THSD7B: variants seen among roughly 807,000 people sequenced by gnomAD.
The protein encoded by THSD7B is thrombospondin type-1 domain-containing protein 7B.
In THSD7B, 138 loss-of-function variants were observed where a neutral mutation model predicts 213.6. The observed-to-expected ratio is 0.65, with a 90% CI of 0.56 to 0.74. THSD7B has a LOEUF of 0.74. THSD7B is among the 30% of genes least tolerant of loss of function. The pLI is 0.00. For missense variants in THSD7B, 1,931 were observed against 1,991.5 expected, an observed-to-expected ratio of 0.97 and a Z score of 0.58; for synonymous variants, 742 against 687.0, an observed-to-expected ratio of 1.08 and a Z score of -1.25.
chr2:137,392,344 A>G (rs1271140784), intron 12 of THSD7B, among the ~76,000 whole-genome samples: 2 of 152,050 alleles, frequency 1.3e-5, no homozygotes, highest in Non-Finnish European at 2.9e-5. Flanking sequence ...TGTGAGTAGG[A>G]TGTTTAAATC....
At chr2:136,943,036 G>A (rs1159716452) in intron 2 of THSD7B, among the ~76,000 whole-genome samples, 2 of 152,128 alleles carry the variant, frequency 1.3e-5, no homozygotes, top group African/African-American at 4.8e-5. Context: ...TCAATACCTA[G>A]CTTATTGAGA....
intron 12 of THSD7B, among the ~76,000 whole-genome samples, chr2:137,369,814 C>T (rs1365515439): frequency 6.6e-6 from 1 of 152,178 alleles, no homozygotes; most frequent in Non-Finnish European, 1.5e-5. Flanking sequence ...ACATTGCCCA[C>T]CCTTCCCAAC....
At chr2:137,655,397 C>G in intron 21 of THSD7B, 104 bp from the exon 22 acceptor site, 1 of 1,282,630 alleles carries the variant, frequency 7.8e-7, no homozygotes, top group Non-Finnish European at 1.1e-6. Flanking sequence ...GAGGAAGCTA[C>G]GAAAATATGC....
At position 137,640,448 on chromosome 2, in the gene THSD7B, A is replaced by G. The variant is rs191974983; in HGVS notation, c.3800-2040A>G. Among the ~76,000 whole-genome samples the G allele has an allele frequency of 3.3e-5, 5 of 152,332 alleles. No individual in the cohort carries two copies. The East Asian group carries it at 9.6e-4, about 29-fold the overall frequency. ...ACAACCACCATCTAAAATTCCTTGT[A>G]TATCTCCTATAAAAGACTTAAATAG... On this transcript the variant is annotated intron_variant, in intron 20 of 27. Coordinates refer to ENST00000409968, the MANE Select transcript of THSD7B (RefSeq NM_001316349.2).
At chr2:137,010,765 T>C (rs1686216139) in intron 2 of THSD7B, among the ~76,000 whole-genome samples, 1 of 152,172 alleles carries the variant, frequency 6.6e-6, no homozygotes. Context: ...ATACAGTGGG[T>C]AATAGATGAG....
intron 2 of THSD7B, among the ~76,000 whole-genome samples, chr2:136,998,261 CAAAAAA>C (rs33931359): frequency 0.043 from 4,234 of 98,482 alleles, 145 homozygotes; most frequent in East Asian, 0.09. Context: ...ACTAAAAGGC[CAAAAAA>C]AAAAAAAAAA....
intron 7 of THSD7B, among the ~76,000 whole-genome samples, chr2:137,226,139 A>G (rs1324298050): frequency 6.6e-6 from 1 of 151,894 alleles, no homozygotes; most frequent in African/African-American, 2.4e-5. Flanking sequence ...AGATTTAAGT[A>G]GGACATAAAA....
intron 5 of THSD7B, among the ~76,000 whole-genome samples, chr2:137,139,232 G>C (rs1379354702): frequency 6.6e-6 from 1 of 152,146 alleles, no homozygotes; most frequent in African/African-American, 2.4e-5. Context: ...CTGATTGAGG[G>C]TCAGTAGAGT....
rs141912917 is a variant in THSD7B, at chr2:136,786,581, C to T, written c.-36+20894C>T. ...TCTTGTATTTATTTAGTTAATCAGA[C>T]GTTTCATCTAAAATGTTCATCAACA... On this transcript the variant is annotated intron_variant, in intron 1 of 27. Transcript: ENST00000409968. 9.9e-5 allele frequency among the ~76,000 whole-genome samples: 15 copies of T among 152,160 alleles called. No individual in the cohort carries two copies. In the East Asian group the frequency reaches 1.9e-3, roughly 20 times the overall value.
At chr2:137,192,157 GC>G (rs1680671148) in intron 7 of THSD7B, among the ~76,000 whole-genome samples, 1 of 152,116 alleles carries the variant, frequency 6.6e-6, no homozygotes, top group South Asian at 2.1e-4. Context: ...AGTGGGAAAA[GC>G]CCCTGTGATC....
chr2:137,657,049 T>A lies in THSD7B; in HGVS notation c.4280-16T>A, dbSNP rs1422905781. The A allele has an allele frequency of 6.2e-7, 1 of 1,613,682 alleles. No homozygotes were observed. The highest frequency in any genetic ancestry group is 2.2e-5 in the East Asian group (1 of 44,896). On this transcript the variant is annotated splice_polypyrimidine_tract_variant and intron_variant, in intron 23 of 27. Transcript: ENST00000409968. ...GTGAGGTGTAATAGAACTGCTATTA[T>A]CATATTTACTTACAGGAGGCAAATG...
intron 20 of THSD7B, among the ~76,000 whole-genome samples, chr2:137,640,123 C>T (rs1290956217): frequency 5.3e-5 from 8 of 152,106 alleles, no homozygotes; most frequent in African/African-American, 1.9e-4. Context: ...ATTGTATCTC[C>T]AGAATTCCCA....
chr2:137,013,743 A>G (rs1362626129), intron 2 of THSD7B, among the ~76,000 whole-genome samples: 1 of 152,042 alleles, frequency 6.6e-6, no homozygotes, highest in Non-Finnish European at 1.5e-5. Context: ...CCCTGCTTCA[A>G]GGAGGGTTCT....
At chr2:137,145,165 A>G (rs772977423) in intron 5 of THSD7B, among the ~76,000 whole-genome samples, 2 of 152,108 alleles carry the variant, frequency 1.3e-5, no homozygotes, top group Admixed American at 6.6e-5. Context: ...TTCCAAAAAT[A>G]TAGCAGTGTA....
intron 14 of THSD7B, among the ~76,000 whole-genome samples, chr2:137,420,688 A>G (rs1338216537): frequency 6.6e-6 from 1 of 152,216 alleles, no homozygotes; most frequent in Non-Finnish European, 1.5e-5. Context: ...CACAAAACAC[A>G]GATTGTAAAT....
At chr2:137,652,931 A>G (rs192868046) in intron 21 of THSD7B, among the ~76,000 whole-genome samples, 21 of 152,240 alleles carry the variant, frequency 1.4e-4, no homozygotes, top group African/African-American at 4.6e-4. Flanking sequence ...AGCTGTTATT[A>G]TTTTTGATAG....
intron 10 of THSD7B, among the ~76,000 whole-genome samples, chr2:137,270,296 G>A (rs1682703147): frequency 6.6e-6 from 1 of 152,022 alleles, no homozygotes; most frequent in African/African-American, 2.4e-5. Flanking sequence ...AAGCCGGGGG[G>A]CTACTGATGC....
chr2:137,093,693 T>A (rs569827361), intron 3 of THSD7B, among the ~76,000 whole-genome samples: 1 of 152,326 alleles, frequency 6.6e-6, no homozygotes, highest in African/African-American at 2.4e-5. Flanking sequence ...CACTGCCTCT[T>A]CAGTGTTTCT....
chr2:136,966,123 A>T (rs1685308768), intron 2 of THSD7B, among the ~76,000 whole-genome samples: 1 of 152,044 alleles, frequency 6.6e-6, no homozygotes, highest in Non-Finnish European at 1.5e-5. Context: ...CTTCTTTCTC[A>T]CAGTGGTCTC....
Sources: gnomAD v4.1 joint callset for allele counts (sites outside exome capture counted in the v4.1 genomes callset) on GRCh38, gnomAD v4.1.1 for gene constraint, MANE v1.5 for transcripts, NCBI Gene and HGNC (gene_info 2026-07-23, HGNC 2026-07-21) for gene names.